BAZ1A: variants seen among roughly 807,000 people sequenced by gnomAD.
BAZ1A encodes bromodomain adjacent to zinc finger domain protein 1A.
In BAZ1A, 50 loss-of-function variants were observed where a neutral mutation model predicts 185.2. That is an observed-to-expected ratio of 0.27 (90% CI 0.22 to 0.34). The LOEUF is 0.34. Among genes scored for constraint, BAZ1A ranks in the 10% least tolerant of loss-of-function variants. The pLI, the probability that BAZ1A is intolerant of heterozygous loss-of-function variation, is 1.00. For missense variants in BAZ1A, 1,356 were observed against 1,839.9 expected (o/e 0.74, Z 4.81); for synonymous variants, 571 against 615.6 (o/e 0.93, Z 1.07).
chr14:34,800,915 G>A (rs1206454669), intron 8 of BAZ1A, among the ~76,000 whole-genome samples, 179 bp downstream of exon 8: 2 of 152,048 alleles, frequency 1.3e-5, no homozygotes, highest in East Asian at 1.9e-4. Flanking sequence ...GAGATGAAGC[G>A]GTCTTATTTA....
chr14:34,823,041 T>A (rs1346782462), intron 4 of BAZ1A, among the ~76,000 whole-genome samples: 1 of 152,028 alleles, frequency 6.6e-6, no homozygotes, highest in Admixed American at 6.6e-5. Context: ...CCTAAAAGAA[T>A]TAGAAAAGTA....
At chr14:34,833,890 A>C (rs559870099) in intron 3 of BAZ1A, among the ~76,000 whole-genome samples, 1 of 152,306 alleles carries the variant, frequency 6.6e-6, no homozygotes, top group East Asian at 1.9e-4. Context: ...AAAATAAAAA[A>C]AACAACTTTT....
At chr14:34,868,554 A>G (rs2138837771) in intron 2 of BAZ1A, among the ~76,000 whole-genome samples, 1 of 152,356 alleles carries the variant, frequency 6.6e-6, no homozygotes, top group South Asian at 2.1e-4. Context: ...CTGTAATCCC[A>G]GCACTTTGGG....
intron 4 of BAZ1A, among the ~76,000 whole-genome samples, chr14:34,822,638 A>T (rs1489451034): frequency 6.6e-6 from 1 of 152,102 alleles, no homozygotes; most frequent in Non-Finnish European, 1.5e-5. Flanking sequence ...AAAAACAAAA[A>T]ATAATTCATC....
At chr14:34,780,933 T>C (rs745468217) in intron 16 of BAZ1A, among the ~76,000 whole-genome samples, 3 of 152,064 alleles carry the variant, frequency 2.0e-5, no homozygotes, top group Admixed American at 2.0e-4. Context: ...AACAGATCAG[T>C]AGTGGTCTAG....
rs181632462 is a variant in BAZ1A, at chr14:34,830,046, C to G, written c.393-3890G>C. On this transcript the variant is annotated intron_variant, in intron 3 of 26. Coordinates refer to ENST00000360310, the MANE Select transcript of BAZ1A (RefSeq NM_013448.3). Reference sequence around the variant, plus strand: ...GGTTTAATCTCTATTGAGACAGTCACAATAATAGTATTGGTGAGGATGTAG... The same window carrying G: ...GGTTTAATCTCTATTGAGACAGTCAGAATAATAGTATTGGTGAGGATGTAG... 2.4e-4 allele frequency among the ~76,000 whole-genome samples: 37 copies of G among 152,258 alleles called. No individual in the cohort carries two copies. The East Asian group carries it at 7.1e-3, about 29-fold the overall frequency.
chr14:34,834,053 C>A (rs567218886), intron 3 of BAZ1A, among the ~76,000 whole-genome samples: 121 of 152,080 alleles, frequency 8.0e-4, no homozygotes, highest in Non-Finnish European at 1.4e-3. Context: ...TACAGGAAAT[C>A]ATATCAAAAC....
intron 3 of BAZ1A, among the ~76,000 whole-genome samples, chr14:34,846,286 T>A (rs1480172571): frequency 6.6e-6 from 1 of 152,202 alleles, no homozygotes; most frequent in Non-Finnish European, 1.5e-5. Flanking sequence ...TCCACAGTAA[T>A]GACCGTAAGT....
chr14:34,862,889 T>C (rs1321306120), intron 2 of BAZ1A, among the ~76,000 whole-genome samples: 4 of 151,776 alleles, frequency 2.6e-5, no homozygotes, highest in Non-Finnish European at 5.9e-5. Flanking sequence ...CAGGCAGTAG[T>C]GATAAGACTG....
intron 4 of BAZ1A, among the ~76,000 whole-genome samples, chr14:34,815,532 A>T (rs1382875038): frequency 6.6e-6 from 1 of 152,234 alleles, no homozygotes; most frequent in African/African-American, 2.4e-5. Context: ...ACAAGCAAAC[A>T]TCAAATATTG....
At chr14:34,868,344 G>C (rs1043191516) in intron 2 of BAZ1A, among the ~76,000 whole-genome samples, 10 of 152,186 alleles carry the variant, frequency 6.6e-5, no homozygotes, top group Non-Finnish European at 1.3e-4. Context: ...AGGAAAAGTT[G>C]CTGAGTTACA....
At chr14:34,807,082 C>T (rs985539982) in intron 6 of BAZ1A, among the ~76,000 whole-genome samples, 1 of 148,416 alleles carries the variant, frequency 6.7e-6, no homozygotes, top group Non-Finnish European at 1.5e-5. Context: ...ACATTGTTCT[C>T]TTATCTAGTA....
intron 15 of BAZ1A, 136 bp from the exon 16 acceptor site, chr14:34,783,368 C>CTTTT (rs201307518): frequency 1.3e-4 from 48 of 369,446 alleles, no homozygotes; most frequent in Middle Eastern, 7.5e-4. Flanking sequence ...CATTCATAAG[C>CTTTT]TTTTTTTTTT....
At chr14:34,839,261 C>T (rs1410347355) in intron 3 of BAZ1A, among the ~76,000 whole-genome samples, 1 of 152,058 alleles carries the variant, frequency 6.6e-6, no homozygotes, top group Non-Finnish European at 1.5e-5. Context: ...AATTTCAGAA[C>T]TTGGCCGGGC....
At chr14:34,798,410 G>A (rs1275930747) in intron 9 of BAZ1A, among the ~76,000 whole-genome samples, 1 of 152,220 alleles carries the variant, frequency 6.6e-6, no homozygotes, top group African/African-American at 2.4e-5. Context: ...CTAACTGGGA[G>A]ACACCTCCCA....
chr14:34,783,778 C>T lies in BAZ1A; in HGVS notation c.1981G>A (p.Glu661Lys), dbSNP rs772527120. Residue 661 changes from glutamate to lysine, a missense_variant, in exon 15 of 27, where the codon GAA (glutamate) becomes AAA (lysine). Glu to Lys is a moderately conservative substitution (Grantham distance 56). Around this residue, in one of 7 missense-constraint regions of BAZ1A, gnomAD observed 434 missense variants for 561.7 expected, o/e 0.77. Transcript: ENST00000360310. Reference protein sequence around the residue: ...LKAEQHRKEREEAAARIRKRK... With the variant: ...LKAEQHRKERKEAAARIRKRK... ...ATCTCTTACCTGGCAGCTGCTTCTT[C>T]CCTCTCTTTTCGATGTTGTTCTGCT... is the stretch of plus-strand genomic sequence containing the variant. 6.2e-7 allele frequency: 1 copy of T among 1,608,104 alleles called. No homozygotes were observed.
intron 21 of BAZ1A, among the ~76,000 whole-genome samples, chr14:34,766,257 C>T (rs530477828): frequency 6.6e-6 from 1 of 152,166 alleles, no homozygotes; most frequent in African/African-American, 2.4e-5. Context: ...ATATTACTAT[C>T]GTTATTAGTG....
At chr14:34,777,817 C>A (rs1031792722) in intron 17 of BAZ1A, among the ~76,000 whole-genome samples, 1 of 151,856 alleles carries the variant, frequency 6.6e-6, no homozygotes, top group Non-Finnish European at 1.5e-5. Context: ...CATGGCAAAA[C>A]CCATCATTAC....
At chr14:34,801,265 A>C (rs1413876675) in intron 7 of BAZ1A, 72 bp from the exon 8 acceptor site, 1 of 965,694 alleles carries the variant, frequency 1.0e-6, no homozygotes, top group African/African-American at 1.7e-5. Context: ...TAAAACTCTC[A>C]CCAATTACAC....
Sources: allele counts gnomAD v4.1 joint callset (sites outside exome capture counted in the v4.1 genomes callset), GRCh38; gene constraint gnomAD v4.1.1; regional missense constraint gnomAD v4.1.1; transcripts MANE v1.5; gene names NCBI Gene and HGNC (gene_info 2026-07-23, HGNC 2026-07-21).